The following LRRC8D variants were observed in gnomAD, a reference collection of about 807,000 sequenced individuals.
LRRC8D encodes leucine rich repeat containing 8 VRAC subunit D.
In LRRC8D, 20 loss-of-function variants were observed where a neutral mutation model predicts 55.8. The observed-to-expected ratio is 0.36, with a 90% CI of 0.25 to 0.52. The LOEUF is 0.52. Ranked by LOEUF, LRRC8D falls within the 20% of genes least tolerant of loss-of-function variation. LRRC8D has a pLI of 0.93. For missense variants in LRRC8D, 651 were observed against 1,030.8 expected (o/e 0.63, Z 5.05); for synonymous variants, 352 against 377.0 (o/e 0.93, Z 0.77).
chr1:89,862,433 T>C (rs1166196895), intron 2 of LRRC8D, among the ~76,000 whole-genome samples: 1 of 152,226 alleles, frequency 6.6e-6, no homozygotes, highest in Admixed American at 6.5e-5. Flanking sequence ...ATCCGTCTTT[T>C]GTCCATGGTA....
intron 2 of LRRC8D, among the ~76,000 whole-genome samples, chr1:89,867,221 A>G (rs1179704605): frequency 6.6e-6 from 1 of 152,208 alleles, no homozygotes; most frequent in African/African-American, 2.4e-5. Context: ...AGATTTGCCT[A>G]TTAAGGACAT....
intron 2 of LRRC8D, among the ~76,000 whole-genome samples, chr1:89,884,153 C>T (rs148694313): frequency 1.3e-5 from 2 of 152,150 alleles, no homozygotes; most frequent in African/African-American, 2.4e-5. Context: ...ACAGCCTGCA[C>T]CTAAAATTGC....
chr1:89,921,705 C>T (rs554091444), intron 2 of LRRC8D, among the ~76,000 whole-genome samples: 4 of 152,160 alleles, frequency 2.6e-5, no homozygotes, highest in East Asian at 3.9e-4. Context: ...CCACCAAGCC[C>T]GGCTAATTTT....
intron 2 of LRRC8D, among the ~76,000 whole-genome samples, chr1:89,931,030 A>G (rs1205333272): frequency 7.4e-6 from 1 of 135,810 alleles, no homozygotes; most frequent in Non-Finnish European, 1.6e-5. Context: ...TTTTTTTTAC[A>G]AAGACTGGTT....
rs1210448377 is a variant in LRRC8D, at chr1:89,935,550, CTTG to C, written c.2487_2489del (p.Val830del). On this transcript the variant is annotated inframe_deletion, in exon 3 of 3. Transcript: ENST00000337338. ...GTGTCGGATGCTCAAGAAAAGCGGG[CTTG>C]TTGTGGAAGATCACCTTTTTGATAC... 6.2e-7 allele frequency: 1 copy of C among 1,614,224 alleles called. No homozygotes were observed.
At chr1:89,821,371 C>G (rs1386413154) in intron 1 of LRRC8D, 80 bp downstream of exon 1, 14 of 152,136 alleles carry the variant, frequency 9.2e-5, no homozygotes, top group Admixed American at 6.5e-5. Context: ...CGAGCCGGAG[C>G]GCGCAACCCT....
intron 1 of LRRC8D, among the ~76,000 whole-genome samples, chr1:89,825,734 A>G (rs138210769): frequency 2.0e-5 from 3 of 152,370 alleles, no homozygotes; most frequent in African/African-American, 7.2e-5. Flanking sequence ...CTACAAAGAC[A>G]TTAGGAAATT....
At chr1:89,906,227 T>C (rs1461787391) in intron 2 of LRRC8D, among the ~76,000 whole-genome samples, 1 of 152,180 alleles carries the variant, frequency 6.6e-6, no homozygotes, top group East Asian at 1.9e-4. Flanking sequence ...AATTCCTCTT[T>C]ATAAAATGCT....
At chr1:89,884,680 C>G (rs556496092) in intron 2 of LRRC8D, among the ~76,000 whole-genome samples, 4 of 152,310 alleles carry the variant, frequency 2.6e-5, no homozygotes, top group East Asian at 3.9e-4. Flanking sequence ...TCCCAGCTTT[C>G]TCATTGTAAA....
At chr1:89,821,444 G>A (rs1204795185) in intron 1 of LRRC8D, among the ~76,000 whole-genome samples, 153 bp downstream of exon 1, 1 of 152,190 alleles carries the variant, frequency 6.6e-6, no homozygotes, top group Non-Finnish European at 1.5e-5. Flanking sequence ...ACGTCCGGGG[G>A]TCGGGAGGAG....
intron 1 of LRRC8D, among the ~76,000 whole-genome samples, chr1:89,823,984 C>G (rs1429522560): frequency 4.6e-5 from 7 of 152,190 alleles, no homozygotes; most frequent in Non-Finnish European, 4.4e-5. Flanking sequence ...TGGTGTTAAT[C>G]ATTTGCCTCA....
rs1401299300 is a variant in LRRC8D, at chr1:89,933,178, TG to T, written c.112del (p.Val38Ter). The T allele has an allele frequency of 6.2e-7, 1 of 1,614,238 alleles. No individual in the cohort carries two copies. The highest frequency in any genetic ancestry group is 2.2e-5 in the East Asian group (1 of 44,886). On this transcript the variant is annotated frameshift_variant, in exon 3 of 3. Transcript: ENST00000337338. LOFTEE classifies it high-confidence loss of function. The surrounding 1 kb of genome is among the most constrained non-coding windows in gnomAD (Gnocchi z 7.0). ...GATTACCTAGCTGTTGTTATGTTAA[TG>T]GTAGCCATCTTTGCAGGAACCATGC... is the stretch of plus-strand genomic sequence containing the variant. Reference protein sequence around the residue: ...FMDYLAVVMLMVAIFAGTMQL... With the variant: ...FMDYLAVVMLXVAIFAGTMQL...
chr1:89,926,179 G>A (rs891805621), intron 2 of LRRC8D, among the ~76,000 whole-genome samples: 6 of 152,198 alleles, frequency 3.9e-5, no homozygotes, highest in African/African-American at 9.7e-5. Context: ...GGCTTGCCCC[G>A]TTCTGTGCAT....
chr1:89,841,010 C>T (rs1302712264), intron 1 of LRRC8D, among the ~76,000 whole-genome samples: 1 of 152,204 alleles, frequency 6.6e-6, no homozygotes, highest in East Asian at 1.9e-4. Flanking sequence ...CCCTGCTTCA[C>T]ATCCCCACTC....
At chr1:89,867,460 T>G (rs1432500886) in intron 2 of LRRC8D, among the ~76,000 whole-genome samples, 2 of 152,246 alleles carry the variant, frequency 1.3e-5, no homozygotes, top group African/African-American at 4.8e-5. Context: ...TCTCTGGGAC[T>G]TTTTCATCTT....
chr1:89,890,523 C>T (rs182422485), intron 2 of LRRC8D, among the ~76,000 whole-genome samples: 1 of 152,330 alleles, frequency 6.6e-6, no homozygotes, highest in Admixed American at 6.5e-5. Flanking sequence ...GAGTCAGCCT[C>T]TCCGTATCCC....
intron 2 of LRRC8D, among the ~76,000 whole-genome samples, chr1:89,919,322 G>C (rs546034432): frequency 6.6e-6 from 1 of 152,270 alleles, no homozygotes; most frequent in South Asian, 2.1e-4. Context: ...AATAAGGACT[G>C]ACAGGCTCCC....
At chr1:89,885,326 T>C (rs1662392787) in intron 2 of LRRC8D, among the ~76,000 whole-genome samples, 1 of 152,228 alleles carries the variant, frequency 6.6e-6, no homozygotes, top group Non-Finnish European at 1.5e-5. Flanking sequence ...TATAGCATTG[T>C]TTATAAAGTA....
intron 2 of LRRC8D, among the ~76,000 whole-genome samples, chr1:89,871,581 C>T (rs1308330794): frequency 2.6e-5 from 4 of 152,094 alleles, no homozygotes; most frequent in Non-Finnish European, 5.9e-5. Context: ...AGGTCTCTGA[C>T]GGTAATAGAT....
Sources: gnomAD v4.1 joint callset for allele counts (sites outside exome capture counted in the v4.1 genomes callset) on GRCh38, gnomAD v4.1.1 for gene constraint, Gnocchi (gnomAD v3.1) non-coding constraint, MANE v1.5 for transcripts, NCBI Gene and HGNC (gene_info 2026-07-23, HGNC 2026-07-21) for gene names.